LANCL1: variants seen among roughly 807,000 people sequenced by gnomAD.
LANCL1 encodes the protein glutathione S-transferase LANCL1.
A neutral mutation model predicts 50.6 loss-of-function variants in LANCL1; 50 were observed. That is an observed-to-expected ratio of 0.99 (90% CI 0.79 to 1.25). The LOEUF (loss-of-function observed/expected upper bound fraction) is 1.25, where lower values mean the gene tolerates loss of function less well. Among genes scored for constraint, LANCL1 ranks in the 50% most tolerant of loss-of-function variants. LANCL1 has a pLI of 0.00. For missense variants in LANCL1, 532 were observed against 480.7 expected (o/e 1.11, Z -1.00); for synonymous variants, 188 against 178.6 (o/e 1.05, Z -0.42).
intron 4 of LANCL1, among the ~76,000 whole-genome samples, chr2:210,448,224 A>C (rs575888612): frequency 6.6e-6 from 1 of 152,246 alleles, no homozygotes; most frequent in African/African-American, 2.4e-5. Flanking sequence ...ACTACACGGA[A>C]AGTGAACAAC....
chr2:210,435,760 G>C (rs947525950), intron 8 of LANCL1, among the ~76,000 whole-genome samples: 2 of 152,050 alleles, frequency 1.3e-5, no homozygotes, highest in South Asian at 4.1e-4. Flanking sequence ...TTAAAGGAAT[G>C]CTAATTTAAT....
chr2:210,461,118 T>A (rs1693844039), intron 3 of LANCL1, among the ~76,000 whole-genome samples: 1 of 151,984 alleles, frequency 6.6e-6, no homozygotes, highest in Admixed American at 6.6e-5. Context: ...TTTAGATATG[T>A]CTTCTTTCCT....
intron 3 of LANCL1, among the ~76,000 whole-genome samples, chr2:210,464,192 A>G (rs747299668): frequency 3.3e-5 from 5 of 152,226 alleles, no homozygotes; most frequent in Non-Finnish European, 5.9e-5. Context: ...TCTTATCTGA[A>G]CTAGCGTTAA....
chr2:210,435,624 A>G (rs1692901379), intron 8 of LANCL1, among the ~76,000 whole-genome samples, 165 bp from the exon 9 acceptor site: 1 of 152,196 alleles, frequency 6.6e-6, no homozygotes, highest in Non-Finnish European at 1.5e-5. Context: ...AGTACACAGC[A>G]TGGGAGGAAT....
At chr2:210,448,252 C>G (rs957397394) in intron 4 of LANCL1, among the ~76,000 whole-genome samples, 3 of 152,204 alleles carry the variant, frequency 2.0e-5, no homozygotes, top group Non-Finnish European at 4.4e-5. Flanking sequence ...TGAATGACTA[C>G]TGGGTAAATA....
intron 4 of LANCL1, among the ~76,000 whole-genome samples, chr2:210,450,951 A>T (rs995456199): frequency 6.6e-6 from 1 of 152,176 alleles, no homozygotes; most frequent in Non-Finnish European, 1.5e-5. Flanking sequence ...AGCCAGAAAT[A>T]CCATTTGACC....
intron 7 of LANCL1, among the ~76,000 whole-genome samples, chr2:210,437,350 A>AC (rs1692967575): frequency 6.6e-6 from 1 of 152,204 alleles, no homozygotes; most frequent in Non-Finnish European, 1.5e-5. Context: ...GTTGATGAAT[A>AC]CTTGGATTAT....
intron 3 of LANCL1, chr2:210,471,599 C>T (rs1439059053): frequency 2.1e-6 from 1 of 472,580 alleles, no homozygotes; most frequent in East Asian, 6.5e-5. Context: ...ATCCTCATTA[C>T]CTCCGCTTCA....
chr2:210,473,300 G>A (rs1267922584), intron 2 of LANCL1, among the ~76,000 whole-genome samples: 1 of 152,102 alleles, frequency 6.6e-6, no homozygotes, highest in African/African-American at 2.4e-5. Context: ...CCTTGAACCT[G>A]GGAGATGGAG....
chr2:210,474,253 A>C (rs1694295715), intron 2 of LANCL1, among the ~76,000 whole-genome samples: 1 of 152,220 alleles, frequency 6.6e-6, no homozygotes, highest in Admixed American at 6.5e-5. Context: ...TAAGAAATTA[A>C]GGAGGACAGA....
chr2:210,456,854 G>A (rs1693688023), intron 3 of LANCL1, among the ~76,000 whole-genome samples: 1 of 152,102 alleles, frequency 6.6e-6, no homozygotes, highest in Non-Finnish European at 1.5e-5. Context: ...TCAGATCTTT[G>A]TCTCTCATTA....
Position 210,437,757 on chromosome 2 carries a change from C to T in LANCL1, c.806G>A (p.Arg269Gln), listed in dbSNP as rs1692983941. 3 of 1,612,496 alleles carry T rather than the reference C, an allele frequency of 1.9e-6. No homozygotes were observed. The highest frequency in any genetic ancestry group is 2.2e-5 in the South Asian group (2 of 90,878). ...ATGGCACCAATGGACAAGCAGATCT[C>T]GATTATCACCTATACATGGAGGGTA... The part of the protein sequence containing the change: ...GNYPPCIGDN[R>Q]DLLVHWCHGA... The change falls in exon 7 of 10, where the codon CGA becomes CAA. Residue 269 changes from arginine (R) to glutamine (Q), a missense_variant. Transcript: ENST00000450366.
intron 3 of LANCL1, among the ~76,000 whole-genome samples, chr2:210,457,937 G>C (rs1310446223): frequency 2.6e-5 from 4 of 152,162 alleles, no homozygotes; most frequent in African/African-American, 9.7e-5. Flanking sequence ...TTTCTTCACA[G>C]CCGGGTATGG....
intron 4 of LANCL1, among the ~76,000 whole-genome samples, chr2:210,445,839 A>G (rs908722486): frequency 1.3e-5 from 2 of 152,198 alleles, no homozygotes; most frequent in African/African-American, 4.8e-5. Flanking sequence ...TCCTCACAGT[A>G]CTTCCTCAGG....
intron 3 of LANCL1, among the ~76,000 whole-genome samples, chr2:210,458,501 A>G (rs1559716632): frequency 6.6e-6 from 1 of 152,202 alleles, no homozygotes; most frequent in Non-Finnish European, 1.5e-5. Context: ...CAGTGGATGC[A>G]GGAGGAACAG....
intron 3 of LANCL1, among the ~76,000 whole-genome samples, chr2:210,471,343 C>T (rs1694218530): frequency 6.6e-6 from 1 of 151,340 alleles, no homozygotes; most frequent in Non-Finnish European, 1.5e-5. Flanking sequence ...CTGCGCCCAG[C>T]CTCTTCTTTG....
chr2:210,440,244 T>G (rs984088586), intron 6 of LANCL1, among the ~76,000 whole-genome samples: 1 of 152,206 alleles, frequency 6.6e-6, no homozygotes, highest in Non-Finnish European at 1.5e-5. Context: ...TACCTTTTAA[T>G]GTGGAATAAT....
intron 3 of LANCL1, among the ~76,000 whole-genome samples, chr2:210,464,989 A>C (rs1252361272): frequency 3.5e-5 from 4 of 115,796 alleles, no homozygotes; most frequent in Admixed American, 1.8e-4. Context: ...AAAAAAAAAA[A>C]AACTTATGCG....
chr2:210,469,983 C>A (rs1360432530), intron 3 of LANCL1, among the ~76,000 whole-genome samples: 1 of 110,166 alleles, frequency 9.1e-6, no homozygotes, highest in East Asian at 3.2e-4. Flanking sequence ...TTTTTTTTGG[C>A]AAGGAATAAC....
Sources: allele counts gnomAD v4.1 joint callset (sites outside exome capture counted in the v4.1 genomes callset), GRCh38; gene constraint gnomAD v4.1.1; transcripts MANE v1.5; gene names NCBI Gene and HGNC (gene_info 2026-07-23, HGNC 2026-07-21).